ACAT1: variants seen among roughly 807,000 people sequenced by gnomAD.
The protein encoded by ACAT1 is acetyl-CoA acetyltransferase 1, also known as acetyl-CoA acetyltransferase, mitochondrial.
In ACAT1, 28 loss-of-function variants were observed where a neutral mutation model predicts 47.3. That is an observed-to-expected ratio of 0.59 (90% CI 0.44 to 0.81). The LOEUF is 0.81. Ranked by LOEUF, ACAT1 falls within the 30% of genes least tolerant of loss-of-function variation. The pLI is 0.00. For synonymous variants in ACAT1, 181 were observed against 173.6 expected (o/e 1.04, Z -0.34); for missense variants, 469 against 524.3 (o/e 0.89, Z 1.03).
chr11:108,145,694 A>C (rs1031957933), intron 10 of ACAT1, among the ~76,000 whole-genome samples: 1 of 152,098 alleles, frequency 6.6e-6, no homozygotes, highest in Non-Finnish European at 1.5e-5. Context: ...CCTATGTCAA[A>C]ACAGACATAA....
At chr11:108,122,354 A>G (rs1195593882) in intron 1 of ACAT1, among the ~76,000 whole-genome samples, 2 of 152,250 alleles carry the variant, frequency 1.3e-5, no homozygotes, top group African/African-American at 2.4e-5. Flanking sequence ...ATGCGTAAGC[A>G]AGGGAGTACG....
At chr11:108,139,158 G>C (rs2077531272) in intron 6 of ACAT1, 117 bp downstream of exon 6, 2 of 1,370,214 alleles carry the variant, frequency 1.5e-6, no homozygotes, top group South Asian at 2.4e-5. Context: ...GTTGATTTTA[G>C]CCGTGTACTT....
At chr11:108,117,096 T>C (rs1293326370), upstream of ACAT1, among the ~76,000 whole-genome samples, 1 of 152,014 alleles carries the variant, frequency 6.6e-6, no homozygotes, top group African/African-American at 2.4e-5. Flanking sequence ...CATGATAGAC[T>C]AAGCCTAGAT....
chr11:108,130,828 C>T (rs921753466), intron 1 of ACAT1, among the ~76,000 whole-genome samples: 3 of 152,240 alleles, frequency 2.0e-5, no homozygotes, highest in African/African-American at 7.2e-5. Flanking sequence ...TGGCTCACTG[C>T]AACCTCCGCC....
chr11:108,121,891 A>G, intron 1 of ACAT1: 1 of 598,304 alleles, frequency 1.7e-6, no homozygotes, highest in Admixed American at 2.9e-5. Context: ...TTCTACTTCC[A>G]AGGTCTCGGC....
intron 5 of ACAT1, among the ~76,000 whole-genome samples, chr11:108,135,498 T>C (rs1405296999): frequency 6.6e-6 from 1 of 151,324 alleles, no homozygotes; most frequent in Non-Finnish European, 1.5e-5. Context: ...GAGACCAGCG[T>C]AGGCAACATA....
intron 5 of ACAT1, chr11:108,136,032 A>AT: frequency 1.6e-6 from 1 of 609,240 alleles, no homozygotes; most frequent in Non-Finnish European, 2.9e-6. Flanking sequence ...CAGGCTTTCT[A>AT]ATTAGCCTTG....
At chr11:108,127,744 G>A (rs915314696) in intron 1 of ACAT1, 3 of 152,374 alleles carry the variant, frequency 2.0e-5, no homozygotes, top group Middle Eastern at 6.8e-3. Flanking sequence ...AGGAGTCCAC[G>A]TTTGTAATGG....
chr11:108,127,081 G>T (rs1310138606), intron 1 of ACAT1, among the ~76,000 whole-genome samples: 6 of 151,922 alleles, frequency 3.9e-5, no homozygotes, highest in Non-Finnish European at 8.8e-5. Flanking sequence ...CTCCCAAACT[G>T]CTGGGATTAC....
At chr11:108,144,188 GAA>G (rs2077652374) in intron 10 of ACAT1, 141 bp downstream of exon 10, 2 of 859,356 alleles carry the variant, frequency 2.3e-6, no homozygotes, top group Non-Finnish European at 3.7e-6. Context: ...GTCTTCTCCT[GAA>G]AAGAGTAAGA....
chr11:108,126,230 T>C (rs2077245062), intron 1 of ACAT1, among the ~76,000 whole-genome samples: 1 of 152,156 alleles, frequency 6.6e-6, no homozygotes, highest in Admixed American at 6.6e-5. Flanking sequence ...CTCAAACTTC[T>C]AATCTCAAGT....
intron 6 of ACAT1, 35 bp from the exon 7 acceptor site, chr11:108,140,030 A>G (rs369179388): frequency 6.1e-5 from 98 of 1,596,396 alleles, no homozygotes; most frequent in Non-Finnish European, 8.1e-5. Context: ...TAAATTATGC[A>G]AAGTTAACTT....
intron 2 of ACAT1, among the ~76,000 whole-genome samples, chr11:108,132,853 C>CAAAAAAAAAAAAAA (rs57501370): frequency 4.2e-5 from 2 of 47,894 alleles, no homozygotes; most frequent in African/African-American, 8.9e-5. Flanking sequence ...AACTCCATCT[C>CAAAAAAAAAAAAAA]AAAAAAAAAA....
At chr11:108,141,736 A>G in intron 8 of ACAT1, 36 bp downstream of exon 8, 1 of 1,443,946 alleles carries the variant, frequency 6.9e-7, no homozygotes. Flanking sequence ...GAAAAAATTG[A>G]GCCAGTATAC....
intron 2 of ACAT1, 55 bp downstream of exon 2, chr11:108,132,009 A>G: frequency 9.2e-7 from 1 of 1,082,024 alleles, no homozygotes; most frequent in Non-Finnish European, 1.4e-6. Flanking sequence ...AAATGTCAAT[A>G]AAAATGCATA....
intron 1 of ACAT1, among the ~76,000 whole-genome samples, chr11:108,125,141 A>G (rs1265641469): frequency 6.6e-6 from 1 of 152,238 alleles, no homozygotes; most frequent in Non-Finnish European, 1.5e-5. Flanking sequence ...CAGTCTAGTG[A>G]GGAGAAAAGC....
At chr11:108,120,847 C>T (rs1423633753), upstream of ACAT1, among the ~76,000 whole-genome samples, 1 of 152,068 alleles carries the variant, frequency 6.6e-6, no homozygotes, top group Non-Finnish European at 1.5e-5. Context: ...CTGCTTGAGC[C>T]CAGGAGTCAG....
At chr11:108,141,479 C>G in intron 7 of ACAT1, 126 bp from the exon 8 acceptor site, 1 of 619,556 alleles carries the variant, frequency 1.6e-6, no homozygotes. Context: ...TGAGTGTTTA[C>G]TTGGGATGGT....
upstream of ACAT1, among the ~76,000 whole-genome samples, chr11:108,119,241 T>A (rs1387716449): frequency 6.6e-6 from 1 of 152,138 alleles, no homozygotes; most frequent in Non-Finnish European, 1.5e-5. Context: ...TCTCATTCTG[T>A]TGCCCAGGCT....
Sources: gnomAD v4.1 joint callset for allele counts (sites outside exome capture counted in the v4.1 genomes callset) on GRCh38, gnomAD v4.1.1 for gene constraint, MANE v1.5 for transcripts, NCBI Gene and HGNC (gene_info 2026-07-23, HGNC 2026-07-21) for gene names.